The following KCNJ6 variants were observed in gnomAD, a reference collection of about 807,000 sequenced individuals.
The protein encoded by KCNJ6 is G protein-activated inward rectifier potassium channel 2.
KCNJ6 carries 9 observed loss-of-function variants against 34.2 expected under a neutral mutation model. That is an observed-to-expected ratio of 0.26 (90% CI 0.16 to 0.46). The LOEUF (loss-of-function observed/expected upper bound fraction) is 0.46, where lower values mean the gene tolerates loss of function less well. Among genes scored for constraint, KCNJ6 ranks in the 20% least tolerant of loss-of-function variants. The pLI, the probability that KCNJ6 is intolerant of heterozygous loss-of-function variation, is 1.00. For synonymous variants in KCNJ6, 196 were observed against 207.1 expected (o/e 0.95, Z 0.46); for missense variants, 236 against 531.3 (o/e 0.44, Z 5.46).
intron 2 of KCNJ6, among the ~76,000 whole-genome samples, chr21:37,739,641 T>C (rs1477942284): frequency 6.6e-6 from 1 of 152,194 alleles, no homozygotes; most frequent in Non-Finnish European, 1.5e-5. Context: ...TTTTTCATTT[T>C]TTTGAGTGCT....
chr21:37,904,538 T>C (rs1350803703), intron 1 of KCNJ6, among the ~76,000 whole-genome samples: 4 of 152,282 alleles, frequency 2.6e-5, no homozygotes, highest in African/African-American at 7.2e-5. Context: ...CACTTATCAC[T>C]ATACTGAAGT....
chr21:37,655,224 T>TGAGA (rs1177319031), intron 3 of KCNJ6, among the ~76,000 whole-genome samples: 3 of 7,490 alleles, frequency 4.0e-4, no homozygotes, highest in Non-Finnish European at 1.9e-3. Flanking sequence ...TGTGTGTGTG[T>TGAGA]GAGAGAGAGA....
chr21:37,616,600 T>TATATATATATATAC lies in KCNJ6; in HGVS notation c.*8558_*8559insGTATATATATATAT, dbSNP rs1569429867. Reference sequence around the variant, plus strand: ...CAGGAACAAAATGTACATATATATATATATATATATATATATGGTTAGACT... The same window carrying TATATATATATATAC: ...CAGGAACAAAATGTACATATATATATATATATATATATACATATATATATATATATGGTTAGACT... On this transcript the variant is annotated 3_prime_UTR_variant, in exon 4 of 4. Transcript: ENST00000609713. 1 of 123,108 alleles carries TATATATATATATAC rather than the reference T, an allele frequency of 8.1e-6. No individual in the cohort carries two copies. Among genetic ancestry groups the TATATATATATATAC allele is most frequent in the African/African-American group, 3.3e-5 (1 of 30,506 alleles). The allele number at this position is 123,108 out of a possible 1,614,324, so 7.6% of individuals were successfully genotyped here.
chr21:37,632,836 G>C (rs1488710598), intron 3 of KCNJ6, among the ~76,000 whole-genome samples: 1 of 152,034 alleles, frequency 6.6e-6, no homozygotes, highest in African/African-American at 2.4e-5. Context: ...TTATGAAATT[G>C]AGCCAGTGAT....
Position 37,607,482 on chromosome 21 carries a change from A to ATATTTTTT in KCNJ6, c.*17676_*17677insAAAAAATA. On this transcript the variant is annotated 3_prime_UTR_variant, in exon 4 of 4. Coordinates refer to ENST00000609713, the MANE Select transcript of KCNJ6 (RefSeq NM_002240.5). ...CTTAAAGATATATATATATATATATATTTTTTTTTTATTTTAAAAAAATTT... is the reference window on the plus strand; with the variant it reads ...CTTAAAGATATATATATATATATATATATTTTTTTTTTTTTTTTATTTTAAAAAAATTT... 5.6e-3 allele frequency: 768 copies of ATATTTTTT among 136,748 alleles called. 4 individuals carry two copies. Among genetic ancestry groups the ATATTTTTT allele is most frequent in the South Asian group, 0.015 (62 of 4,158 alleles). 8.5% of individuals were successfully genotyped at this position (136,748 alleles called of 1,614,324 possible).
At chr21:37,874,856 C>T (rs1252118087) in intron 1 of KCNJ6, among the ~76,000 whole-genome samples, 2 of 152,234 alleles carry the variant, frequency 1.3e-5, no homozygotes, top group Admixed American at 1.3e-4. Flanking sequence ...CCACCACTGC[C>T]ACCCTCCTGA....
chr21:37,767,082 A>G (rs943095645), intron 2 of KCNJ6, among the ~76,000 whole-genome samples: 3 of 152,186 alleles, frequency 2.0e-5, no homozygotes, highest in Admixed American at 6.5e-5. Context: ...ACTCTTAAGA[A>G]GCCCACTTGG....
chr21:37,777,735 G>T (rs1283487050), intron 2 of KCNJ6, among the ~76,000 whole-genome samples: 2 of 152,198 alleles, frequency 1.3e-5, no homozygotes, highest in South Asian at 2.1e-4. Context: ...CACAAGTCTT[G>T]CCTATTCATT....
intron 3 of KCNJ6, among the ~76,000 whole-genome samples, chr21:37,641,832 G>C (rs1367190012): frequency 6.6e-6 from 1 of 152,190 alleles, no homozygotes; most frequent in East Asian, 1.9e-4. Context: ...GCACGAAGAA[G>C]AAATTATAGT....
At chr21:37,683,084 G>T (rs1466543850) in intron 3 of KCNJ6, among the ~76,000 whole-genome samples, 1 of 152,160 alleles carries the variant, frequency 6.6e-6, no homozygotes, top group African/African-American at 2.4e-5. Flanking sequence ...GTCAAGCGAG[G>T]GAAGCATTCC....
At chr21:37,872,814 A>G (rs2055659136) in intron 1 of KCNJ6, among the ~76,000 whole-genome samples, 1 of 152,174 alleles carries the variant, frequency 6.6e-6, no homozygotes, top group African/African-American at 2.4e-5. Context: ...GAGGTAATTG[A>G]ACCATGGGGT....
intron 2 of KCNJ6, among the ~76,000 whole-genome samples, chr21:37,728,554 A>C (rs935396378): frequency 6.6e-6 from 1 of 152,204 alleles, no homozygotes. Context: ...TCATTGCAGG[A>C]AGAGCTTACA....
chr21:37,772,826 A>G (rs993332916), intron 2 of KCNJ6, among the ~76,000 whole-genome samples: 9 of 152,224 alleles, frequency 5.9e-5, no homozygotes, highest in Non-Finnish European at 1.2e-4. Flanking sequence ...AAGTTTCAGT[A>G]GTATGAAGAG....
intron 3 of KCNJ6, among the ~76,000 whole-genome samples, chr21:37,626,408 A>T (rs138608278): frequency 2.0e-4 from 31 of 152,328 alleles, no homozygotes; most frequent in Admixed American, 6.5e-4. Flanking sequence ...TGTTGGGATT[A>T]CAGGCGTGAG....
intron 1 of KCNJ6, among the ~76,000 whole-genome samples, chr21:37,893,339 C>T (rs2055771997): frequency 6.6e-6 from 1 of 152,146 alleles, no homozygotes; most frequent in African/African-American, 2.4e-5. Flanking sequence ...TCCCAAGTAG[C>T]TGGGATTACA....
At chr21:37,848,946 G>A (rs1219061623) in intron 1 of KCNJ6, among the ~76,000 whole-genome samples, 2 of 152,194 alleles carry the variant, frequency 1.3e-5, no homozygotes, top group Non-Finnish European at 2.9e-5. Context: ...CCCCAGGGGA[G>A]TTGGTTTCTT....
intron 2 of KCNJ6, among the ~76,000 whole-genome samples, chr21:37,826,791 G>C (rs540147595): frequency 6.6e-6 from 1 of 152,288 alleles, no homozygotes; most frequent in African/African-American, 2.4e-5. Context: ...AGAGATTAGA[G>C]ATGGGTCTGA....
At chr21:37,742,773 T>A (rs2835920) in intron 2 of KCNJ6, among the ~76,000 whole-genome samples, 75,952 of 152,018 alleles carry the variant, frequency 0.5, 19,303 homozygotes, top group South Asian at 0.64. Flanking sequence ...TCAGATTCCA[T>A]CAGTTCCTGT....
chr21:37,788,413 C>T (rs926366119), intron 2 of KCNJ6, among the ~76,000 whole-genome samples: 3 of 152,086 alleles, frequency 2.0e-5, no homozygotes, highest in Non-Finnish European at 4.4e-5. Flanking sequence ...TTATTCGTCC[C>T]CCCACATTTG....
Sources: allele counts gnomAD v4.1 joint callset (sites outside exome capture counted in the v4.1 genomes callset), GRCh38; gene constraint gnomAD v4.1.1; transcripts MANE v1.5; gene names NCBI Gene and HGNC (gene_info 2026-07-23, HGNC 2026-07-21).